Variants in TMED3 observed in about 807,000 individuals in gnomAD.
TMED3 encodes the protein transmembrane emp24 domain-containing protein 3.
TMED3 carries 9 observed loss-of-function variants against 15.0 expected under a neutral mutation model. The observed-to-expected ratio is 0.60, with a 90% CI of 0.36 to 1.04. The LOEUF (loss-of-function observed/expected upper bound fraction) is 1.04. Ranked by LOEUF, TMED3 falls within the 50% of genes least tolerant of loss-of-function variation. The pLI is 0.01. For synonymous variants in TMED3, 117 were observed against 121.4 expected, an observed-to-expected ratio of 0.96 and a Z score of 0.24; for missense variants, 267 against 278.9, an observed-to-expected ratio of 0.96 and a Z score of 0.30.
chr15:79,340,665 G>A (rs978792968), intron 2 of TMED3, among the ~76,000 whole-genome samples: 5 of 152,114 alleles, frequency 3.3e-5, no homozygotes, highest in African/African-American at 9.7e-5. Context: ...TATTTTTCCG[G>A]CATTTTCTCA....
chr15:79,382,614 C>T (rs1893555129), intron 2 of TMED3, among the ~76,000 whole-genome samples: 1 of 152,248 alleles, frequency 6.6e-6, no homozygotes, highest in African/African-American at 2.4e-5. Context: ...CTGCCCTTCA[C>T]AATTCTTCTG....
chr15:79,409,308 C>T (rs192811030), intron 2 of TMED3, among the ~76,000 whole-genome samples: 1 of 152,288 alleles, frequency 6.6e-6, no homozygotes. Context: ...AATCTTCCAA[C>T]CAAAGGATGT....
At chr15:79,397,220 C>G (rs1893773317) in intron 2 of TMED3, among the ~76,000 whole-genome samples, 1 of 152,204 alleles carries the variant, frequency 6.6e-6, no homozygotes, top group Admixed American at 6.5e-5. Flanking sequence ...TAAATCTGCT[C>G]TCTCCCTAGA....
chr15:79,360,804 A>G (rs1053475980), intron 2 of TMED3, among the ~76,000 whole-genome samples: 2 of 152,232 alleles, frequency 1.3e-5, no homozygotes, highest in African/African-American at 4.8e-5. Context: ...AGTATGCTAC[A>G]GAATCACTTA....
At chr15:79,372,568 T>C (rs752399663) in intron 2 of TMED3, among the ~76,000 whole-genome samples, 4 of 152,328 alleles carry the variant, frequency 2.6e-5, no homozygotes, top group Non-Finnish European at 5.9e-5. Flanking sequence ...GCACATCTTA[T>C]GTGGTGGCAG....
At chr15:79,353,639 C>T (rs555197226) in intron 2 of TMED3, among the ~76,000 whole-genome samples, 1 of 147,294 alleles carries the variant, frequency 6.8e-6, no homozygotes, top group Non-Finnish European at 1.5e-5. Context: ...AAAAGATAAT[C>T]ATCAAAATAT....
chr15:79,401,479 CTG>C (rs1893833040), intron 2 of TMED3, among the ~76,000 whole-genome samples: 1 of 152,146 alleles, frequency 6.6e-6, no homozygotes. Flanking sequence ...TTGGCAATGT[CTG>C]GAGACATTCT....
At chr15:79,333,785 GAGAATT>G (rs2058818063) in intron 2 of TMED3, among the ~76,000 whole-genome samples, 1 of 152,140 alleles carries the variant, frequency 6.6e-6, no homozygotes, top group Non-Finnish European at 1.5e-5. Context: ...AAGCTACTGT[GAGAATT>G]AGAATTAGTA....
intron 2 of TMED3, among the ~76,000 whole-genome samples, chr15:79,351,448 T>A (rs2058890638): frequency 6.6e-6 from 1 of 152,220 alleles, no homozygotes; most frequent in Non-Finnish European, 1.5e-5. Flanking sequence ...AAACCTTTAA[T>A]TACCAGCACA....
intron 2 of TMED3, among the ~76,000 whole-genome samples, chr15:79,357,221 G>A (rs981842303): frequency 3.3e-5 from 5 of 151,800 alleles, no homozygotes; most frequent in Admixed American, 6.6e-5. Flanking sequence ...ATGGTGGCTC[G>A]TGTGTATAAT....
In TMED3 at chr15:79,358,540, G is replaced by A. The variant is rs571823031; in HGVS notation, c.417+44535G>A. On this transcript the variant is annotated intron_variant, in intron 2 of 2. Transcript: ENST00000424155. ...ATGGTGGGGGTGGAGTCTGTCTCTT[G>A]TGACAGCCATCTGTAGGATCCAACT... 1.9e-3 allele frequency among the ~76,000 whole-genome samples: 288 copies of A among 152,266 alleles called. 4 individuals carry two copies. The highest frequency in any genetic ancestry group is 6.6e-3 in the African/African-American group (273 of 41,536).
At chr15:79,372,986 G>A (rs1290573321) in intron 2 of TMED3, among the ~76,000 whole-genome samples, 1 of 152,206 alleles carries the variant, frequency 6.6e-6, no homozygotes, top group East Asian at 1.9e-4. Flanking sequence ...ACAATTTTTT[G>A]ATTTATCTGT....
intron 2 of TMED3, chr15:79,383,679 A>G (rs983229472): frequency 2.0e-5 from 3 of 152,480 alleles, no homozygotes; most frequent in African/African-American, 7.2e-5. Context: ...AATCAGTCAC[A>G]TAGATATGGC....
chr15:79,388,028 T>C (rs1893648324), intron 2 of TMED3, among the ~76,000 whole-genome samples: 1 of 152,138 alleles, frequency 6.6e-6, no homozygotes, highest in Non-Finnish European at 1.5e-5. Flanking sequence ...ACAATCATAA[T>C]ATCTGAAAAT....
At position 79,331,588 on chromosome 15, in the gene TMED3, A is replaced by C. The variant is rs12101766; in HGVS notation, c.417+17583A>C. Among the ~76,000 whole-genome samples, 81 of 151,890 alleles carry C rather than the reference A, an allele frequency of 5.3e-4. 1 individual carries two copies. Among genetic ancestry groups the C allele is most frequent in the African/African-American group, 1.9e-3 (79 of 41,382 alleles). On this transcript the variant is annotated intron_variant, in intron 2 of 2. Transcript: ENST00000424155. Reference sequence around the variant, plus strand: ...GATAATATCAAACTAAAAAGTCTACACAGCAAAAGACACAGAGTGAAGAGA... The same window carrying C: ...GATAATATCAAACTAAAAAGTCTACCCAGCAAAAGACACAGAGTGAAGAGA...
At chr15:79,389,040 G>A (rs181272488) in intron 2 of TMED3, among the ~76,000 whole-genome samples, 24 of 152,220 alleles carry the variant, frequency 1.6e-4, no homozygotes, top group East Asian at 3.9e-4. Context: ...TCTGTGGGTC[G>A]TCTATTTACT....
At chr15:79,351,503 T>G (rs2058890808) in intron 2 of TMED3, among the ~76,000 whole-genome samples, 1 of 152,168 alleles carries the variant, frequency 6.6e-6, no homozygotes, top group African/African-American at 2.4e-5. Context: ...AAATACTTTG[T>G]AAAATAAAAC....
intron 1 of TMED3, 93 bp from the exon 2 acceptor site, chr15:79,313,664 G>A (rs924555002): frequency 7.6e-5 from 111 of 1,467,588 alleles, no homozygotes; most frequent in Non-Finnish European, 9.9e-5. Flanking sequence ...TGAAGTGACA[G>A]AAATGTTTGT....
At chr15:79,370,632 C>G (rs1485462009) in intron 2 of TMED3, among the ~76,000 whole-genome samples, 2 of 152,146 alleles carry the variant, frequency 1.3e-5, no homozygotes, top group African/African-American at 4.8e-5. Flanking sequence ...TTCAGTGTCA[C>G]ATGTCTGTGT....
Sources: allele counts gnomAD v4.1 joint callset (sites outside exome capture counted in the v4.1 genomes callset), GRCh38; gene constraint gnomAD v4.1.1; transcripts MANE v1.5; gene names NCBI Gene and HGNC (gene_info 2026-07-23, HGNC 2026-07-21).